Variants in EFCAB8 observed in about 807,000 individuals in gnomAD.
EFCAB8 encodes EF-hand calcium-binding domain-containing protein 8.
EFCAB8 carries 100 observed loss-of-function variants against 116.3 expected under a neutral mutation model. The ratio of observed to expected loss-of-function variants is 0.86; its 90% CI spans 0.73 to 1.02. The LOEUF is 1.02. Ranked by LOEUF, EFCAB8 falls within the 50% of genes least tolerant of loss-of-function variation. The pLI is 0.00. For missense variants in EFCAB8, 1,320 were observed against 1,416.9 expected (o/e 0.93, Z 1.10); for synonymous variants, 558 against 567.9 (o/e 0.98, Z 0.25).
chr20:32,903,842 A>T (rs1304953441), intron 11 of EFCAB8, among the ~76,000 whole-genome samples: 1 of 151,974 alleles, frequency 6.6e-6, no homozygotes, highest in African/African-American at 2.4e-5. Flanking sequence ...GGCAAGGAGG[A>T]CTTGGGGCCA....
At chr20:32,862,857 T>C (rs1381949017) in intron 1 of EFCAB8, among the ~76,000 whole-genome samples, 1 of 152,110 alleles carries the variant, frequency 6.6e-6, no homozygotes, top group African/African-American at 2.4e-5. Flanking sequence ...TCATTTGAAC[T>C]GTTGACCTCA....
At chr20:32,956,255 ATATGT>A (rs760808419) in intron 23 of EFCAB8, among the ~76,000 whole-genome samples, 1 of 152,114 alleles carries the variant, frequency 6.6e-6, no homozygotes, top group Non-Finnish European at 1.5e-5. Flanking sequence ...TTATTTCTAC[ATATGT>A]TATGTCTTCC....
intron 8 of EFCAB8, 83 bp downstream of exon 8, chr20:32,892,380 C>A: frequency 1.5e-6 from 2 of 1,315,298 alleles, no homozygotes; most frequent in Non-Finnish European, 2.1e-6. Flanking sequence ...AGGGTTGGGG[C>A]CCCCAGAAAG....
chr20:32,939,189 TTCTTTCTTTCTTTCCTC>T (rs1988289335), intron 22 of EFCAB8, among the ~76,000 whole-genome samples: 1 of 99,620 alleles, frequency 1.0e-5, no homozygotes, highest in South Asian at 3.2e-4. Context: ...CTTTCTTTCT[TTCTTTCTTTCTTTCCTC>T]TCTCTCTCTC....
intron 13 of EFCAB8, among the ~76,000 whole-genome samples, chr20:32,908,030 C>T (rs1986757407): frequency 6.6e-6 from 1 of 152,146 alleles, no homozygotes; most frequent in Admixed American, 6.5e-5. Flanking sequence ...AGGGTGGAGG[C>T]CTGGGGGCAG....
intron 7 of EFCAB8, among the ~76,000 whole-genome samples, chr20:32,891,086 C>T (rs941272329): frequency 1.3e-5 from 2 of 152,112 alleles, no homozygotes; most frequent in Admixed American, 6.6e-5. Context: ...CTCAGACAGC[C>T]CTGAGAATTT....
chr20:32,875,865 G>A lies in EFCAB8; in HGVS notation c.209-61G>A, dbSNP rs1284224068. 8.3e-6 allele frequency: 12 copies of A among 1,450,446 alleles called. No individual in the cohort carries two copies. The Admixed American group carries it at 2.2e-4, about 26-fold the overall frequency. 89.8% of individuals were successfully genotyped at this position (1,450,446 alleles called of 1,614,324 possible). On this transcript the variant is annotated intron_variant, in intron 3 of 26. Coordinates refer to ENST00000400522, the MANE Select transcript of EFCAB8 (RefSeq NM_001143967.2). ...CACCCAGACACTTGAGAACTCCGTG[G>A]CAGTGATGGGCCGAGGGACTTGTGA...
intron 5 of EFCAB8, among the ~76,000 whole-genome samples, chr20:32,884,121 TCTC>T (rs1985487767): frequency 6.6e-6 from 1 of 152,166 alleles, no homozygotes; most frequent in South Asian, 2.1e-4. Context: ...GTTCCTATAT[TCTC>T]CTATTTATTT....
At chr20:32,949,582 C>T (rs1988735684) in intron 23 of EFCAB8, among the ~76,000 whole-genome samples, 1 of 152,134 alleles carries the variant, frequency 6.6e-6, no homozygotes, top group Non-Finnish European at 1.5e-5. Flanking sequence ...ACAGAAAGTC[C>T]AGAGATATAT....
chr20:32,901,556 G>A (rs1356028849), intron 11 of EFCAB8, among the ~76,000 whole-genome samples: 1 of 145,932 alleles, frequency 6.9e-6, no homozygotes, highest in Non-Finnish European at 1.5e-5. Flanking sequence ...GGCCGGGCCT[G>A]CTGCCTTCCT....
chr20:32,895,481 A>G (rs1160665861), intron 9 of EFCAB8, among the ~76,000 whole-genome samples: 1 of 147,822 alleles, frequency 6.8e-6, no homozygotes. Context: ...CGCCACCACC[A>G]CTTCTGGCTA....
At chr20:32,860,154 G>A (rs1331496618) in intron 1 of EFCAB8, among the ~76,000 whole-genome samples, 2 of 152,100 alleles carry the variant, frequency 1.3e-5, no homozygotes, top group African/African-American at 2.4e-5. Context: ...CTAAAAATAC[G>A]AAAGTTAGCT....
intron 5 of EFCAB8, among the ~76,000 whole-genome samples, chr20:32,881,640 C>T (rs1006815587): frequency 1.3e-5 from 2 of 152,218 alleles, no homozygotes; most frequent in African/African-American, 4.8e-5. Context: ...AACTTTTCCT[C>T]CTTTGCAAGG....
chr20:32,915,268 G>A (rs1388789831), intron 17 of EFCAB8, among the ~76,000 whole-genome samples: 1 of 152,126 alleles, frequency 6.6e-6, no homozygotes, highest in Non-Finnish European at 1.5e-5. Flanking sequence ...TTTATTATAA[G>A]TTGTCAGGAG....
chr20:32,930,035 C>T (rs76944458), intron 20 of EFCAB8, among the ~76,000 whole-genome samples: 10,035 of 152,264 alleles, frequency 0.066, 461 homozygotes, highest in African/African-American at 0.13. Flanking sequence ...TCCTTCCCCA[C>T]ATCACTTTGG....
At chr20:32,949,008 A>AG (rs559288455) in intron 23 of EFCAB8, among the ~76,000 whole-genome samples, 4 of 152,206 alleles carry the variant, frequency 2.6e-5, no homozygotes, top group Non-Finnish European at 5.9e-5. Flanking sequence ...GGAAAAAAAA[A>AG]GGCATTCAGA....
intron 3 of EFCAB8, among the ~76,000 whole-genome samples, chr20:32,874,943 T>C (rs970980512): frequency 3.3e-5 from 5 of 151,940 alleles, no homozygotes; most frequent in African/African-American, 1.2e-4. Context: ...GAGGCAGGGT[T>C]TTGCCATGTT....
chr20:32,901,130 A>G (rs147780338), intron 11 of EFCAB8, among the ~76,000 whole-genome samples: 2,061 of 152,334 alleles, frequency 0.014, 19 homozygotes, highest in Non-Finnish European at 0.019. Flanking sequence ...TCTTGGGTTC[A>G]GTGCTTTGAA....
intron 9 of EFCAB8, among the ~76,000 whole-genome samples, chr20:32,894,707 G>A (rs1329896272): frequency 2.6e-5 from 4 of 152,294 alleles, no homozygotes; most frequent in Non-Finnish European, 5.9e-5. Context: ...ATTCAAATAG[G>A]GATGGCCCTA....
Sources: allele counts gnomAD v4.1 joint callset (sites outside exome capture counted in the v4.1 genomes callset), GRCh38; gene constraint gnomAD v4.1.1; transcripts MANE v1.5; gene names NCBI Gene and HGNC (gene_info 2026-07-23, HGNC 2026-07-21).